Variants in UTP4 observed in about 807,000 individuals in gnomAD.
UTP4 encodes the protein U3 small nucleolar RNA-associated protein 4 homolog.
Under a neutral mutation model 82.4 loss-of-function variants are expected in UTP4, and 45 were observed. The observed-to-expected ratio is 0.55, with a 90% confidence interval of 0.43 to 0.70. The LOEUF (loss-of-function observed/expected upper bound fraction) is 0.70, where lower values mean the gene tolerates loss of function less well. Ranked by LOEUF, UTP4 falls within the 30% of genes least tolerant of loss-of-function variation. The pLI is 0.00. For missense variants in UTP4, 819 were observed against 858.3 expected (o/e 0.95, Z 0.57); for synonymous variants, 348 against 300.3 (o/e 1.16, Z -1.64).
At chr16:69,144,962 T>TGTTTAGTA (rs1194579504) in intron 6 of UTP4, among the ~76,000 whole-genome samples, 1 of 151,982 alleles carries the variant, frequency 6.6e-6, no homozygotes, top group African/African-American at 2.4e-5. Context: ...GTCAACATGG[T>TGTTTAGTA]GAAACCCTGT....
chr16:69,155,991 A>G lies in UTP4; in HGVS notation c.1285A>G (p.Arg429Gly). 6.2e-7 allele frequency: 1 copy of G among 1,614,168 alleles called. No homozygotes were observed. The highest frequency in any genetic ancestry group is 8.5e-7 in the Non-Finnish European group (1 of 1,179,996). ...TGAACATGACAACATAAGCCTCAAAAGGGTAAGTGATAGTCCAATATCTGG... is the reference window on the plus strand; with the variant it reads ...TGAACATGACAACATAAGCCTCAAAGGGGTAAGTGATAGTCCAATATCTGG... ...NYEHDNISLK[R>G]VSKMPAFLRS... Residue 429 changes from arginine to glycine, a missense_variant and splice_region_variant, in exon 11 of 17, where the codon AGG becomes GGG. Arg to Gly is a moderately radical substitution (Grantham distance 125). Coordinates refer to ENST00000314423, the MANE Select transcript of UTP4 (RefSeq NM_032830.3).
At chr16:69,159,736 C>T (rs186595962) in intron 12 of UTP4, among the ~76,000 whole-genome samples, 1 of 151,664 alleles carries the variant, frequency 6.6e-6, no homozygotes, top group Non-Finnish European at 1.5e-5. Flanking sequence ...GCCTGTAATC[C>T]CAGCACTTTG....
At chr16:69,153,789 C>A in intron 9 of UTP4, 109 bp downstream of exon 9, 1 of 762,878 alleles carries the variant, frequency 1.3e-6, no homozygotes, top group Non-Finnish European at 2.3e-6. Context: ...ACTTTTGTGT[C>A]CATTTTAACT....
In UTP4 at chr16:69,163,063, T is replaced by A. The variant is rs1404232544; in HGVS notation, c.1552-20T>A. ...AAGTGTCACTTAGAGTTGCCACTTGTGTCTGTTATTTGTTCCCAGCTTCAC... is the reference window on the plus strand; with the variant it reads ...AAGTGTCACTTAGAGTTGCCACTTGAGTCTGTTATTTGTTCCCAGCTTCAC... On this transcript the variant is annotated intron_variant, in intron 13 of 16. Coordinates refer to ENST00000314423, the MANE Select transcript of UTP4 (RefSeq NM_032830.3). The A allele has an allele frequency of 6.3e-7, 1 of 1,594,356 alleles. No individual in the cohort carries two copies. Among genetic ancestry groups the A allele is most frequent in the Non-Finnish European group, 8.6e-7 (1 of 1,161,962 alleles).
chr16:69,150,470 TC>T, intron 6 of UTP4, 66 bp from the exon 7 acceptor site: 1 of 1,569,116 alleles, frequency 6.4e-7, no homozygotes, highest in East Asian at 2.2e-5. Context: ...ACAGAAAGCC[TC>T]GGAATATTTT....
At chr16:69,134,649 C>T (rs947531236) in intron 2 of UTP4, among the ~76,000 whole-genome samples, 7 of 147,072 alleles carry the variant, frequency 4.8e-5, no homozygotes, top group Admixed American at 4.0e-4. Context: ...GTATGAAGAA[C>T]ATGCGCTGGC....
chr16:69,150,781 A>G (rs781442659), intron 7 of UTP4, 32 bp from the exon 8 acceptor site: 53 of 1,612,998 alleles, frequency 3.3e-5, no homozygotes, highest in South Asian at 6.6e-5. Context: ...GATGACTTCT[A>G]ATTCTGTACA....
At chr16:69,164,335 A>G (rs1001800252) in intron 14 of UTP4, among the ~76,000 whole-genome samples, 3 of 152,110 alleles carry the variant, frequency 2.0e-5, no homozygotes, top group African/African-American at 7.2e-5. Context: ...AATTTCCCCC[A>G]TGACACCTTT....
chr16:69,158,345 G>C lies in UTP4; in HGVS notation c.1444+1105G>C, dbSNP rs1349581448. Among the ~76,000 whole-genome samples the C allele has an allele frequency of 2.0e-5, 3 of 150,990 alleles. No homozygotes were observed. The East Asian group carries it at 5.8e-4, about 29-fold the overall frequency. Reference sequence around the variant, plus strand: ...ACACCCAGCTAAGTTTTGTATTTTTGTAGAGACAGGGTTTCACCATGTTGC... The same window carrying C: ...ACACCCAGCTAAGTTTTGTATTTTTCTAGAGACAGGGTTTCACCATGTTGC... On this transcript the variant is annotated intron_variant, in intron 12 of 16. Transcript: ENST00000314423.
chr16:69,152,551 C>G (rs2152280843), intron 8 of UTP4, among the ~76,000 whole-genome samples: 1 of 148,540 alleles, frequency 6.7e-6, no homozygotes, highest in African/African-American at 2.5e-5. Context: ...CTCACTGCAA[C>G]CTCAGTCTCC....
At chr16:69,142,318 A>G (rs975706097) in intron 5 of UTP4, 1 of 152,866 alleles carries the variant, frequency 6.5e-6, no homozygotes, top group African/African-American at 2.4e-5. Flanking sequence ...TGGCCTGGCT[A>G]TCAGCATTCT....
Position 69,143,373 on chromosome 16 carries a change from C to A in UTP4, c.722C>A (p.Ser241Tyr). ...SHLIANADVQ[S>Y]IAVADQEDSF... is the part of the protein sequence containing the mutation. ...CTCATCGCTAATGCTGACGTGCAGTCCATTGCTGTAGCTGACGTGAGTACA... is the reference window on the plus strand; with the variant it reads ...CTCATCGCTAATGCTGACGTGCAGTACATTGCTGTAGCTGACGTGAGTACA... The change falls in exon 6 of 17, where the codon TCC (serine) becomes TAC (tyrosine). Residue 241 changes from serine (S) to tyrosine (Y), a missense_variant. Transcript: ENST00000314423. 1 of 1,614,016 alleles carries A rather than the reference C, an allele frequency of 6.2e-7. No individual in the cohort carries two copies. Among genetic ancestry groups the A allele is most frequent in the Non-Finnish European group, 8.5e-7 (1 of 1,179,928 alleles).
rs567127388 is a variant in UTP4 at position 69,143,805 on chromosome 16, C to T, written c.738+416C>T. ...TCTTAAATTCCTGGGCTGGGGGATC[C>T]TCCCATCTCAGCCTCCCAAAGTGCT... On this transcript the variant is annotated intron_variant, in intron 6 of 16. Coordinates refer to ENST00000314423, the MANE Select transcript of UTP4 (RefSeq NM_032830.3). Among the ~76,000 whole-genome samples the T allele has an allele frequency of 8.5e-5, 13 of 152,324 alleles. No homozygotes were observed. In the East Asian group the frequency reaches 2.3e-3, roughly 27 times the overall value.
In UTP4 at chr16:69,165,329, G is replaced by A; in HGVS notation, c.1648-12G>A. The A allele has an allele frequency of 6.2e-7, 1 of 1,613,630 alleles. No individual in the cohort carries two copies. The highest frequency in any genetic ancestry group is 8.5e-7 in the Non-Finnish European group (1 of 1,179,630). ...ACCAGCCTGCATTTCTCTATGTCAT[G>A]TCCTCCCTCAGGTATTTGAGTACAG... On this transcript the variant is annotated splice_polypyrimidine_tract_variant and intron_variant, in intron 14 of 16. Transcript: ENST00000314423.
chr16:69,165,514 TGAC>T lies in UTP4; in HGVS notation c.1822_1824del (p.Asp608del). ...ATGATGCCTACATGTTCTGCATCAT[TGAC>T]AAGTCATTGGTGAGTTCTTCACTGC... is the stretch of plus-strand genomic sequence containing the variant. On this transcript the variant is annotated inframe_deletion, in exon 15 of 17. Transcript: ENST00000314423. 6.2e-7 allele frequency: 1 copy of T among 1,613,936 alleles called. No individual in the cohort carries two copies. The highest frequency in any genetic ancestry group is 8.5e-7 in the Non-Finnish European group (1 of 1,179,798).
Position 69,133,594 on chromosome 16 carries a change from G to C in UTP4, c.135G>C (p.Leu45Phe). ...RTDGTVEIYN[L>F]SANYFQEKFF... is the part of the protein sequence containing the mutation. ...ATGGCACTGTGGAAATTTATAACTT[G>C]TCAGCAAACTACTTTCAGGAGAAAG... Residue 45 changes from leucine (L) to phenylalanine (F), a missense_variant, in exon 2 of 17, where the codon TTG becomes TTC. Leu to Phe is a conservative substitution (Grantham distance 22, BLOSUM62 0). Coordinates refer to ENST00000314423, the MANE Select transcript of UTP4 (RefSeq NM_032830.3). 1 of 1,614,112 alleles carries C rather than the reference G, an allele frequency of 6.2e-7. No individual in the cohort carries two copies. The highest frequency in any genetic ancestry group is 8.5e-7 in the Non-Finnish European group (1 of 1,180,008).
rs1963602743 is a variant in UTP4 at position 69,163,016 on chromosome 16, C to A, written c.1552-67C>A. ...GCAGTATTTAAACCCCTGACCTAGA[C>A]CATTCAATCTTTGCTGAGGAAAAGT... is the stretch of plus-strand genomic sequence containing the variant. On this transcript the variant is annotated intron_variant, in intron 13 of 16. Transcript: ENST00000314423. 9.1e-6 allele frequency: 11 copies of A among 1,208,592 alleles called. No homozygotes were observed. The South Asian group carries it at 1.3e-4, about 15-fold the overall frequency. 74.9% of individuals were successfully genotyped at this position (1,208,592 alleles called of 1,614,324 possible).
intron 2 of UTP4, 94 bp from the exon 3 acceptor site, chr16:69,136,602 T>C: frequency 4.2e-6 from 5 of 1,183,984 alleles, no homozygotes; most frequent in South Asian, 2.4e-5. Flanking sequence ...TAGTTATTTA[T>C]GGGGAAGTTG....
Position 69,157,193 on chromosome 16 carries a change from T to C in UTP4, c.1397T>C (p.Leu466Pro). The C allele has an allele frequency of 1.9e-6, 3 of 1,614,236 alleles. No individual in the cohort carries two copies. The highest frequency in any genetic ancestry group is 2.5e-6 in the Non-Finnish European group (3 of 1,180,038). The change falls in exon 12 of 17, where the codon CTG (leucine) becomes CCG (proline). Residue 466 changes from leucine to proline, a missense_variant. Transcript: ENST00000314423. ...SNQGALHIVQLSGGSFKHLHA... is the reference protein window; with the variant it reads ...SNQGALHIVQPSGGSFKHLHA... ...CAAGGAGCTCTGCATATTGTTCAGC[T>C]GTCAGGAGGAAGCTTCAAGCACCTG...
Sources: gnomAD v4.1 joint callset for allele counts (sites outside exome capture counted in the v4.1 genomes callset) on GRCh38, gnomAD v4.1.1 for gene constraint, MANE v1.5 for transcripts, NCBI Gene and HGNC (gene_info 2026-07-23, HGNC 2026-07-21) for gene names.